The following TTC6 variants were observed in gnomAD, a reference collection of about 807,000 sequenced individuals.
TTC6 encodes the protein tetratricopeptide repeat domain 6.
Under a neutral mutation model 210.4 loss-of-function variants are expected in TTC6, and 172 were observed. The observed-to-expected ratio is 0.82, with a 90% CI of 0.72 to 0.93. The LOEUF (loss-of-function observed/expected upper bound fraction) is 0.93. Ranked by LOEUF, TTC6 falls within the 40% of genes least tolerant of loss-of-function variation. TTC6 has a pLI of 0.00. For synonymous variants in TTC6, 804 were observed against 819.6 expected (o/e 0.98, Z 0.32); for missense variants, 2,414 against 2,318.1 (o/e 1.04, Z -0.85).
At chr14:37,785,344 C>G (rs985174801) in intron 14 of TTC6, among the ~76,000 whole-genome samples, 3 of 152,114 alleles carry the variant, frequency 2.0e-5, no homozygotes, top group African/African-American at 7.2e-5. Flanking sequence ...TTTCTCTAAA[C>G]TTTTCACTTC....
intron 4 of TTC6, among the ~76,000 whole-genome samples, chr14:37,701,027 A>G (rs2095824307): frequency 6.6e-6 from 1 of 152,008 alleles, no homozygotes; most frequent in Admixed American, 6.6e-5. Flanking sequence ...AGGAGAGAAG[A>G]GGTTGGGGTG....
At chr14:37,737,345 T>G (rs572280046) in intron 8 of TTC6, among the ~76,000 whole-genome samples, 17 of 152,184 alleles carry the variant, frequency 1.1e-4, no homozygotes, top group African/African-American at 3.4e-4. Flanking sequence ...CACACACCAG[T>G]GCCACCTACA....
chr14:37,738,737 G>T, intron 9 of TTC6, 39 bp from the exon 12 acceptor site: 2 of 1,409,076 alleles, frequency 1.4e-6, no homozygotes, highest in South Asian at 3.3e-5. Flanking sequence ...CAACTAAATT[G>T]ATTTTACGTT....
At chr14:37,833,611 C>T (rs541849458) in intron 29 of TTC6, among the ~76,000 whole-genome samples, 34 of 152,034 alleles carry the variant, frequency 2.2e-4, no homozygotes, top group South Asian at 4.2e-4. Context: ...TGAGTTCTTT[C>T]GATAGGTAAG....
intron 26 of TTC6, among the ~76,000 whole-genome samples, chr14:37,821,731 T>A (rs188537042): frequency 9.8e-4 from 148 of 151,734 alleles, no homozygotes; most frequent in Admixed American, 2.3e-3. Flanking sequence ...TTCTCAAACC[T>A]TCTGAACACA....
At chr14:37,696,582 T>C in intron 3 of TTC6, 135 bp from the exon 6 acceptor site, 1 of 402,840 alleles carries the variant, frequency 2.5e-6, no homozygotes, top group Non-Finnish European at 4.3e-6. Flanking sequence ...ACTATCAATT[T>C]ACTTTTAGCA....
chr14:37,659,424 C>T (rs374659886), intron 1 of TTC6, among the ~76,000 whole-genome samples: 1 of 152,080 alleles, frequency 6.6e-6, no homozygotes, highest in African/African-American at 2.4e-5. Context: ...GTTCCTTTTT[C>T]TCCACAACCT....
At chr14:37,637,172 C>T (rs1190022957) in intron 1 of TTC6, among the ~76,000 whole-genome samples, 2 of 151,894 alleles carry the variant, frequency 1.3e-5, no homozygotes, top group African/African-American at 4.8e-5. Flanking sequence ...AAAAAACCCA[C>T]CTCAATCTGT....
intron 26 of TTC6, 41 bp downstream of exon 28, chr14:37,817,692 C>T (rs769012652): frequency 1.3e-5 from 20 of 1,569,960 alleles, no homozygotes; most frequent in Non-Finnish European, 1.7e-5. Flanking sequence ...TCAAGCAGGA[C>T]CATCAGACTT....
chr14:37,633,850 C>T (rs2095674863), intron 1 of TTC6, among the ~76,000 whole-genome samples: 1 of 152,156 alleles, frequency 6.6e-6, no homozygotes, highest in Non-Finnish European at 1.5e-5. Flanking sequence ...AACTCCTAGT[C>T]CCACCATGCA....
chr14:37,623,348 T>C (rs2095654982), intron 1 of TTC6, among the ~76,000 whole-genome samples: 1 of 152,236 alleles, frequency 6.6e-6, no homozygotes, highest in Non-Finnish European at 1.5e-5. Flanking sequence ...AGGCATTTTA[T>C]GTGAAAAACT....
At chr14:37,828,339 T>A (rs2096177092) in intron 29 of TTC6, among the ~76,000 whole-genome samples, 1 of 152,112 alleles carries the variant, frequency 6.6e-6, no homozygotes, top group Non-Finnish European at 1.5e-5. Context: ...TTATTCTTTA[T>A]CTTTTTGAGT....
At chr14:37,786,534 C>T (rs1303302439) in intron 14 of TTC6, among the ~76,000 whole-genome samples, 1 of 152,186 alleles carries the variant, frequency 6.6e-6, no homozygotes, top group Non-Finnish European at 1.5e-5. Flanking sequence ...CATGGCTTCC[C>T]TTGGCTAGGA....
chr14:37,685,134 A>C (rs953531745), intron 3 of TTC6, among the ~76,000 whole-genome samples: 1 of 152,214 alleles, frequency 6.6e-6, no homozygotes, highest in Non-Finnish European at 1.5e-5. Context: ...AAAGCCAATA[A>C]TAGGATGGTT....
chr14:37,599,470 G>A (rs1594988190), intron 1 of TTC6, among the ~76,000 whole-genome samples: 1 of 152,260 alleles, frequency 6.6e-6, no homozygotes. Flanking sequence ...AACATACCCA[G>A]GGCTTTCACT....
intron 3 of TTC6, among the ~76,000 whole-genome samples, chr14:37,694,384 A>G (rs1038939141): frequency 6.6e-6 from 1 of 152,292 alleles, no homozygotes; most frequent in African/African-American, 2.4e-5. Flanking sequence ...ATATTATCCC[A>G]GCCCAGTTAA....
intron 1 of TTC6, among the ~76,000 whole-genome samples, chr14:37,662,504 A>G (rs2095739526): frequency 6.6e-6 from 1 of 152,056 alleles, no homozygotes; most frequent in African/African-American, 2.4e-5. Flanking sequence ...ACTGAAGCCA[A>G]CTTGATCGTG....
Position 37,808,718 on chromosome 14 carries a change from C to G in TTC6, c.4456-15C>G. On this transcript the variant is annotated splice_polypyrimidine_tract_variant and intron_variant, in intron 23 of 30. Coordinates refer to ENST00000553443, the Ensembl canonical transcript of TTC6. ...ATGATTTTCCTTTCTCACATAATTA[C>G]TTTTTTCTTTTTAGACTTATAAGCT... 1 of 1,295,692 alleles carries G rather than the reference C, an allele frequency of 7.7e-7. No individual in the cohort carries two copies. Among genetic ancestry groups the G allele is most frequent in the Non-Finnish European group, 1.1e-6 (1 of 944,708 alleles). 80.3% of individuals were successfully genotyped at this position (1,295,692 alleles called of 1,614,324 possible). A position where few individuals can be genotyped will look rare whatever the true frequency, so the allele number is the denominator to read the frequency against.
chr14:37,802,547 T>C (rs1226075633), intron 20 of TTC6, among the ~76,000 whole-genome samples: 1 of 152,104 alleles, frequency 6.6e-6, no homozygotes, highest in Admixed American at 6.6e-5. Context: ...AGCAGCTTTG[T>C]AGGACCCGGA....
Sources: gnomAD v4.1 joint callset for allele counts (sites outside exome capture counted in the v4.1 genomes callset) on GRCh38, gnomAD v4.1.1 for gene constraint, MANE v1.5 for transcripts, NCBI Gene and HGNC (gene_info 2026-07-23, HGNC 2026-07-21) for gene names.